Variants in SBK1 observed in about 807,000 individuals in gnomAD.
SBK1 encodes SH3 domain binding kinase 1, also known as serine/threonine-protein kinase SBK1.
Under a neutral mutation model 24.4 loss-of-function variants are expected in SBK1, and 11 were observed. The observed-to-expected ratio is 0.45, with a 90% CI of 0.28 to 0.75. SBK1 has a LOEUF of 0.75. SBK1 is among the 30% of genes least tolerant of loss of function. The pLI is 0.12. For missense variants in SBK1, 467 were observed against 620.5 expected (o/e 0.75, Z 2.63); for synonymous variants, 308 against 284.4 (o/e 1.08, Z -0.83).
chr16:28,262,085 G>A lies in SBK1; in HGVS notation c.257+2583G>A, dbSNP rs1332609694. Among the ~76,000 whole-genome samples the A allele has an allele frequency of 5.9e-5, 9 of 152,202 alleles. 1 individual carries two copies. Among genetic ancestry groups the A allele is most frequent in the East Asian group, 5.8e-4 (3 of 5,200 alleles). ...GCTAAAAATACTGAGTGATGTGTCC[G>A]CCCAGGCTGCAGGAGCCAGTGCTGG... On this transcript the variant is annotated intron_variant, in intron 1 of 3. Transcript: ENST00000671413.
rs565594012 is a variant in SBK1, at chr16:28,318,979, C to T, written c.227-16C>T. The T allele has an allele frequency of 2.5e-6, 4 of 1,608,188 alleles. No homozygotes were observed. The highest frequency in any genetic ancestry group is 2.2e-5 in the East Asian group (1 of 44,842). ...GGGAGAGGGGGCTTCAACCCTGTTG[C>T]TGTTGCTCCCATCAGGCACAAAAAT... On this transcript the variant is annotated splice_polypyrimidine_tract_variant and intron_variant, in intron 2 of 3. Transcript: ENST00000341901.
chr16:28,280,182 T>C (rs1414683693), intron 1 of SBK1, among the ~76,000 whole-genome samples: 1 of 128,256 alleles, frequency 7.8e-6, no homozygotes, highest in Non-Finnish European at 1.7e-5. Context: ...TATGTATATA[T>C]ACATATATAT....
At position 28,318,952 on chromosome 16, in the gene SBK1, CT is replaced by C. The variant is rs753745250; in HGVS notation, c.227-42del. The C allele has an allele frequency of 4.7e-6, 7 of 1,499,706 alleles. No homozygotes were observed. In the Admixed American group the frequency reaches 1.2e-4, roughly 25 times the overall value. The allele number at this position is 1,499,706 out of a possible 1,614,324, so 92.9% of individuals were successfully genotyped here. ...CATGGGTGCATCCAGTGCGGAGGCACTGGGAGAGGGGGCTTCAACCCTGTTG... is the reference window on the plus strand; with the variant it reads ...CATGGGTGCATCCAGTGCGGAGGCACGGGAGAGGGGGCTTCAACCCTGTTG... On this transcript the variant is annotated intron_variant, in intron 2 of 3. Transcript: ENST00000341901.
At chr16:28,309,472 T>C (rs2044739476) in intron 1 of SBK1, among the ~76,000 whole-genome samples, 1 of 152,218 alleles carries the variant, frequency 6.6e-6, no homozygotes, top group African/African-American at 2.4e-5. Flanking sequence ...TTGTTGTCTG[T>C]TAAATAGAAG....
In SBK1 at chr16:28,320,762, G is replaced by T. The variant is rs1295817425; in HGVS notation, c.1116G>T (p.Ser372=). The T allele has an allele frequency of 7.3e-6, 10 of 1,369,168 alleles. No individual in the cohort carries two copies. The highest frequency in any genetic ancestry group is 9.5e-6 in the Non-Finnish European group (10 of 1,053,978). 84.8% of individuals were successfully genotyped at this position (1,369,168 alleles called of 1,614,324 possible). The part of the protein sequence containing the change: ...GSRPAPPAVG[S]VPLPVPVPVP... ...GGCCCGCGCCCCCCGCCGTCGGGTC[G>T]GTGCCCTTGCCCGTGCCGGTGCCGG... The change falls in exon 4 of 4, where the codon TCG becomes TCT. Residue 372 remains serine, a synonymous_variant. Transcript: ENST00000341901. This position sits in a 1 kb window ranked among gnomAD's most constrained non-coding sequence, Gnocchi z 8.5.
chr16:28,272,701 A>C lies in SBK1; in HGVS notation c.257+13199A>C, dbSNP rs1319041473. 2.8e-5 allele frequency among the ~76,000 whole-genome samples: 4 copies of C among 141,430 alleles called. No homozygotes were observed. The Admixed American group carries it at 3.1e-4, about 11-fold the overall frequency. The allele number at this position is 141,430 out of a possible 152,430, so 92.8% of individuals were successfully genotyped here. ...CAGTGGCATGATCTTGGCTCACTGC[A>C]ACCTCTGCCTCCCAGGTTCAAGCGA... On this transcript the variant is annotated intron_variant, in intron 1 of 3. Transcript: ENST00000671413.
At chr16:28,291,292 G>T (rs2044596979), upstream of SBK1, 1 of 151,962 alleles carries the variant, frequency 6.6e-6, no homozygotes, top group Admixed American at 6.6e-5. Flanking sequence ...TCACTCATAG[G>T]TGGGAATTGA....
chr16:28,279,472 A>G (rs567483106), intron 1 of SBK1, among the ~76,000 whole-genome samples: 6 of 151,802 alleles, frequency 4.0e-5, no homozygotes, highest in African/African-American at 1.4e-4. Context: ...CTGAGGGAGA[A>G]AGGAAGAAGC....
intron 1 of SBK1, among the ~76,000 whole-genome samples, chr16:28,279,500 GA>G: frequency 6.6e-6 from 1 of 151,000 alleles, no homozygotes; most frequent in South Asian, 2.1e-4. Flanking sequence ...TCTGCTCTCA[GA>G]AATAAGAGGC....
rs1276209292 is a variant in SBK1 at position 28,319,441 on chromosome 16, G to A, written c.429+244G>A. On this transcript the variant is annotated intron_variant, in intron 3 of 3. Transcript: ENST00000341901. The surrounding 1 kb of genome is among the most constrained non-coding windows in gnomAD (Gnocchi z 4.0). ...AGATGAGTGCCTAAAAGGAGACAGT[G>A]AGAATGATGGGATGAAGTCACTGGG... Among the ~76,000 whole-genome samples the A allele has an allele frequency of 2.0e-5, 3 of 152,140 alleles. No homozygotes were observed. The highest frequency in any genetic ancestry group is 3.9e-4 in the East Asian group (2 of 5,186).
rs767031209 is a variant in SBK1, at chr16:28,317,535, C to T, written c.144C>T (p.Asp48=). The T allele has an allele frequency of 2.7e-5, 44 of 1,614,084 alleles. No homozygotes were observed. Among genetic ancestry groups the T allele is most frequent in the East Asian group, 4.5e-5 (2 of 44,890 alleles). ...ALTLRTLAAS[D]VTKHYELVRE... is the part of the protein sequence containing the mutation. Reference sequence around the variant, plus strand: ...CTCTCCGCACACTGGCCGCCAGCGACGTCACCAAGCACTACGAACTAGTCC... The same window carrying T: ...CTCTCCGCACACTGGCCGCCAGCGATGTCACCAAGCACTACGAACTAGTCC... Residue 48 remains aspartate, a synonymous_variant, in exon 2 of 4, where the codon GAC becomes GAT. Transcript: ENST00000341901. This position sits in a 1 kb window ranked among gnomAD's most constrained non-coding sequence, Gnocchi z 4.2.
intron 1 of SBK1, among the ~76,000 whole-genome samples, chr16:28,264,806 G>A (rs1270502949): frequency 6.6e-6 from 1 of 152,000 alleles, no homozygotes. Flanking sequence ...TGAGGACTCC[G>A]CGGTATTGAG....
Position 28,320,739 on chromosome 16 carries a change from C to G in SBK1, c.1093C>G (p.Pro365Ala). The G allele has an allele frequency of 1.7e-6, 2 of 1,200,732 alleles. No individual in the cohort carries two copies. Among genetic ancestry groups the G allele is most frequent in the Non-Finnish European group, 2.1e-6 (2 of 961,008 alleles). The allele number at this position is 1,200,732 out of a possible 1,614,324, so 74.4% of individuals were successfully genotyped here. A position where few individuals can be genotyped will look rare whatever the true frequency, so the allele number is the denominator to read the frequency against. ...VLTESGSGSR[P>A]APPAVGSVPL... ...GACCGAGAGCGGCAGCGGCTCCCGG[C>G]CCGCGCCCCCCGCCGTCGGGTCGGT... The change falls in exon 4 of 4, where the codon CCC becomes GCC. Residue 365 changes from proline to alanine, a missense_variant. Around this residue, in one of 4 missense-constraint regions of SBK1, gnomAD observed 166 missense variants for 146.8 expected, o/e 1.13. Coordinates refer to ENST00000341901, the MANE Select transcript of SBK1 (RefSeq NM_001024401.3). This position sits in a 1 kb window ranked among gnomAD's most constrained non-coding sequence, Gnocchi z 8.5.
At position 28,259,525 on chromosome 16, in the gene SBK1, T is replaced by TG; in HGVS notation, c.257+26dup. On this transcript the variant is annotated intron_variant, in intron 1 of 3. Transcript: ENST00000671413. This position sits in a 1 kb window ranked among gnomAD's most constrained non-coding sequence, Gnocchi z 6.0. ...GAGGTCAGTGCTCGTGGGTGGCCAG[T>TG]GGGTGGGCAGCAGGTGGGCACAGCG... 1.1e-6 allele frequency: 1 copy of TG among 902,860 alleles called. No homozygotes were observed. Among genetic ancestry groups the TG allele is most frequent in the Non-Finnish European group, 1.3e-6 (1 of 754,464 alleles). The allele number at this position is 902,860 out of a possible 1,614,324, so 55.9% of individuals were successfully genotyped here. A position where few individuals can be genotyped will look rare whatever the true frequency, so the allele number is the denominator to read the frequency against.
intron 1 of SBK1, among the ~76,000 whole-genome samples, chr16:28,293,928 AC>A (rs1024049600): frequency 1.3e-5 from 2 of 151,992 alleles, no homozygotes; most frequent in Admixed American, 1.3e-4. Flanking sequence ...GGGAGTAAGT[AC>A]CCCCCAAAGT....
intron 1 of SBK1, among the ~76,000 whole-genome samples, chr16:28,262,097 G>A (rs2044401337): frequency 6.6e-6 from 1 of 152,224 alleles, no homozygotes; most frequent in Admixed American, 6.5e-5. Context: ...CCAGGCTGCA[G>A]GAGCCAGTGC....
intron 1 of SBK1, among the ~76,000 whole-genome samples, chr16:28,311,543 A>G (rs2044754923): frequency 6.6e-6 from 1 of 152,114 alleles, no homozygotes; most frequent in African/African-American, 2.4e-5. Context: ...AAACACAAAA[A>G]ATAAAAAATT....
chr16:28,268,265 T>TA (rs36042360), intron 1 of SBK1, among the ~76,000 whole-genome samples: 31,465 of 151,940 alleles, frequency 0.21, 4,236 homozygotes, highest in Non-Finnish European at 0.3. Flanking sequence ...TGTGTAGAGA[T>TA]AGAGTCTCAC....
chr16:28,319,011 G>A lies in SBK1; in HGVS notation c.243G>A (p.Leu81=), dbSNP rs2044818732. The part of the protein sequence containing the change: ...VYKGTGTKMA[L]KFVNKSKTKL... The stretch of plus-strand genomic sequence containing the variant: ...TCCCATCAGGCACAAAAATGGCACT[G>A]AAGTTTGTGAACAAGAGCAAAACCA... Residue 81 remains leucine, a synonymous_variant, in exon 3 of 4, where the codon CTG becomes CTA. Transcript: ENST00000341901. The surrounding 1 kb of genome is among the most constrained non-coding windows in gnomAD (Gnocchi z 4.0). 2 of 1,614,190 alleles carry A rather than the reference G, an allele frequency of 1.2e-6. No homozygotes were observed. Among genetic ancestry groups the A allele is most frequent in the Non-Finnish European group, 1.7e-6 (2 of 1,180,032 alleles).
Sources: allele counts gnomAD v4.1 joint callset (sites outside exome capture counted in the v4.1 genomes callset), GRCh38; gene constraint gnomAD v4.1.1; regional missense constraint gnomAD v4.1.1; non-coding constraint Gnocchi (gnomAD v3.1); transcripts MANE v1.5; gene names NCBI Gene and HGNC (gene_info 2026-07-23, HGNC 2026-07-21).